The following KAZALD1 variants were observed in gnomAD, a reference collection of about 807,000 sequenced individuals.
KAZALD1 encodes kazal-type serine protease inhibitor domain-containing protein 1.
KAZALD1 carries 31 observed loss-of-function variants against 27.7 expected under a neutral mutation model. The observed-to-expected ratio is 1.12, with a 90% CI of 0.84 to 1.51. The LOEUF is 1.51. Ranked by LOEUF, KAZALD1 falls within the 40% of genes most tolerant of loss-of-function variation. KAZALD1 has a pLI of 0.00. For missense variants in KAZALD1, 444 were observed against 408.9 expected (o/e 1.09, Z -0.74); for synonymous variants, 179 against 182.0 (o/e 0.98, Z 0.13).
At chr10:101,062,432 C>T (rs1051731278) in intron 1 of KAZALD1, 110 bp from the exon 2 acceptor site, 22 of 1,092,352 alleles carry the variant, frequency 2.0e-5, no homozygotes, top group East Asian at 2.8e-5. Flanking sequence ...TACTTGGTAG[C>T]AGGGGAGGGG....
At position 101,062,629 on chromosome 10, in the gene KAZALD1, C is replaced by T; in HGVS notation, c.37C>T (p.Leu13=). The T allele has an allele frequency of 5.7e-6, 9 of 1,576,936 alleles. No homozygotes were observed. Among genetic ancestry groups the T allele is most frequent in the Non-Finnish European group, 7.7e-6 (9 of 1,170,434 alleles). ...GCCGCGGCCCGCAGCTGCCTTGGCG[C>T]TGCCTGTGCTCCTGCTACTGCTGGT... ...PPPRPAAALA[L]PVLLLLLVVL... The change falls in exon 2 of 5, where the codon CTG becomes TTG. Residue 13 remains leucine (L), a synonymous_variant. Coordinates refer to ENST00000370200, the MANE Select transcript of KAZALD1 (RefSeq NM_030929.5).
At chr10:101,062,314 C>T (rs934529565) in intron 1 of KAZALD1, among the ~76,000 whole-genome samples, 199 bp downstream of exon 1, 6 of 152,224 alleles carry the variant, frequency 3.9e-5, no homozygotes. Context: ...ATCACCCTTT[C>T]CTCACCTCTC....
chr10:101,063,165 C>T (rs1051182667), intron 2 of KAZALD1, 62 bp downstream of exon 2: 5 of 1,373,112 alleles, frequency 3.6e-6, no homozygotes, highest in African/African-American at 1.5e-5. Context: ...TGCTCCCCGA[C>T]CCCTGACAGC....
Position 101,064,497 on chromosome 10 carries a change from C to T in KAZALD1, c.673-4C>T. The T allele has an allele frequency of 3.1e-6, 5 of 1,614,188 alleles. No individual in the cohort carries two copies. In the South Asian group the frequency reaches 3.3e-5, roughly 11 times the overall value. ...GACCCTGCTGATTCCTTGCCTGGCT[C>T]CAGTTTAGGGGTGGACCCCAGAGGT... On this transcript the variant is annotated splice_region_variant and splice_polypyrimidine_tract_variant and intron_variant, in intron 3 of 4. Transcript: ENST00000370200.
chr10:101,063,610 T>A (rs1564656874), intron 2 of KAZALD1, among the ~76,000 whole-genome samples: 3 of 152,178 alleles, frequency 2.0e-5, no homozygotes, highest in Admixed American at 1.3e-4. Flanking sequence ...GGGACTGGGG[T>A]CCATTCAGGC....
At chr10:101,067,740 A>AC, downstream of KAZALD1, 1 of 360,000 alleles carries the variant, frequency 2.8e-6, no homozygotes, top group African/African-American at 2.1e-5. Context: ...CGCCCTGGTG[A>AC]CCGGGGGGGT....
At position 101,062,622 on chromosome 10, in the gene KAZALD1, C is replaced by T; in HGVS notation, c.30C>T (p.Ala10=). 1 of 1,580,186 alleles carries T rather than the reference C, an allele frequency of 6.3e-7. No individual in the cohort carries two copies. Among genetic ancestry groups the T allele is most frequent in the South Asian group, 1.1e-5 (1 of 89,062 alleles). Residue 10 remains alanine (A), a synonymous_variant, in exon 2 of 5, where the codon GCC becomes GCT. Coordinates refer to ENST00000370200, the MANE Select transcript of KAZALD1 (RefSeq NM_030929.5). ...TGCCGCCGCCGCGGCCCGCAGCTGC[C>T]TTGGCGCTGCCTGTGCTCCTGCTAC... MLPPPRPAA[A]LALPVLLLLL...
chr10:101,064,653 G>A lies in KAZALD1; in HGVS notation c.820+5G>A, dbSNP rs754501203. 22 of 1,613,312 alleles carry A rather than the reference G, an allele frequency of 1.4e-5. 1 individual carries two copies. In the African/African-American group the frequency reaches 1.6e-4, roughly 12 times the overall value. ...GCTTGACAGTGCTCACACCTGGTAA[G>A]GGGATTCCTGAGTTCTGGGGGTTGG... On this transcript the variant is annotated splice_donor_5th_base_variant and intron_variant, in intron 4 of 4. Coordinates refer to ENST00000370200, the MANE Select transcript of KAZALD1 (RefSeq NM_030929.5).
At chr10:101,067,645 T>C, downstream of KAZALD1, 2 of 337,684 alleles carry the variant, frequency 5.9e-6, no homozygotes, top group South Asian at 4.6e-5. Flanking sequence ...TTCGCCCGGC[T>C]GCTCGTCACC....
chr10:101,065,396 C>G lies in KAZALD1; in HGVS notation c.*476C>G, dbSNP rs2134245316. ...ATCTTCCAGAACTTTTCCCTCTCTC[C>G]TAAGCCCCAGTTGCACCTACTAACT... is the stretch of plus-strand genomic sequence containing the variant. On this transcript the variant is annotated 3_prime_UTR_variant, in exon 5 of 5. Coordinates refer to ENST00000370200, the MANE Select transcript of KAZALD1 (RefSeq NM_030929.5). 1 of 179,228 alleles carries G rather than the reference C, an allele frequency of 5.6e-6. No individual in the cohort carries two copies. The highest frequency in any genetic ancestry group is 2.4e-5 in the African/African-American group (1 of 41,918). The allele number at this position is 179,228 out of a possible 1,614,324, so 11.1% of individuals were successfully genotyped here.
At chr10:101,064,444 C>CT in intron 3 of KAZALD1, 23 bp downstream of exon 3, 1 of 1,614,198 alleles carries the variant, frequency 6.2e-7, no homozygotes, top group African/African-American at 1.3e-5. Flanking sequence ...GAGAGGCTTC[C>CT]CTCAGGCAGC....
chr10:101,062,406 G>A, intron 1 of KAZALD1, 136 bp from the exon 2 acceptor site: 1 of 775,788 alleles, frequency 1.3e-6, no homozygotes, highest in Non-Finnish European at 2.0e-6. Context: ...CACTAGGCCT[G>A]TGTGTTGGGG....
In KAZALD1 at chr10:101,065,245, C is replaced by T; in HGVS notation, c.*325C>T. 1 of 279,940 alleles carries T rather than the reference C, an allele frequency of 3.6e-6. No individual in the cohort carries two copies. The highest frequency in any genetic ancestry group is 4.8e-5 in the Admixed American group (1 of 20,990). The allele number at this position is 279,940 out of a possible 1,614,324, so 17.3% of individuals were successfully genotyped here. A position where few individuals can be genotyped will look rare whatever the true frequency, so the allele number is the denominator to read the frequency against. On this transcript the variant is annotated 3_prime_UTR_variant, in exon 5 of 5. Coordinates refer to ENST00000370200, the MANE Select transcript of KAZALD1 (RefSeq NM_030929.5). ...TGAGCAGACACAGAGGTGCAGGCAC[C>T]AGGATTCTCCACTTCTTCCAGCCCT...
At chr10:101,062,480 A>G (rs1939182660) in intron 1 of KAZALD1, 62 bp from the exon 2 acceptor site, 2 of 1,455,102 alleles carry the variant, frequency 1.4e-6, no homozygotes, top group African/African-American at 1.5e-5. Context: ...AGAAGCAGTG[A>G]GGTTGGTCTT....
At position 101,064,354 on chromosome 10, in the gene KAZALD1, C is replaced by G. The variant is rs779542606; in HGVS notation, c.605C>G (p.Ser202Cys). The G allele has an allele frequency of 6.2e-7, 1 of 1,614,162 alleles. No individual in the cohort carries two copies. The highest frequency in any genetic ancestry group is 1.1e-5 in the South Asian group (1 of 91,088). The part of the protein sequence containing the change: ...GCEVFAYPMA[S>C]IEWRKDGLDI... ...GAAGTGTTTGCCTACCCCATGGCCT[C>G]CATCGAGTGGAGGAAGGATGGCTTG... Residue 202 changes from serine (S) to cysteine (C), a missense_variant, in exon 3 of 5, where the codon TCC (serine) becomes TGC (cysteine). By Grantham distance (112) the Ser-to-Cys change is moderately radical (BLOSUM62 -1). Transcript: ENST00000370200.
At position 101,062,891 on chromosome 10, in the gene KAZALD1, G is replaced by T. The variant is rs1022032038; in HGVS notation, c.299G>T (p.Gly100Val). 2.5e-6 allele frequency: 4 copies of T among 1,603,338 alleles called. No individual in the cohort carries two copies. Among genetic ancestry groups the T allele is most frequent in the Non-Finnish European group, 1.7e-6 (2 of 1,179,706 alleles). The change falls in exon 2 of 5, where the codon GGG (glycine) becomes GTG (valine). Residue 100 changes from glycine to valine, a missense_variant. Transcript: ENST00000370200. ...CTGGACCCCAGTGCTCACTTCTACGGGCACTGCGGCGAGCAGCTTGAGTGC... is the reference window on the plus strand; with the variant it reads ...CTGGACCCCAGTGCTCACTTCTACGTGCACTGCGGCGAGCAGCTTGAGTGC... ...CDLDPSAHFY[G>V]HCGEQLECRL...
downstream of KAZALD1, chr10:101,067,264 ATG>A (rs1207854440): frequency 2.2e-6 from 1 of 456,608 alleles, no homozygotes; most frequent in Admixed American, 2.3e-5. Flanking sequence ...CACACCCGAG[ATG>A]TGAGGTTCCA....
chr10:101,066,424 A>G lies in KAZALD1; in HGVS notation c.*1504A>G. 2.2e-6 allele frequency: 1 copy of G among 456,738 alleles called. No individual in the cohort carries two copies. The highest frequency in any genetic ancestry group is 4.4e-6 in the Non-Finnish European group (1 of 226,966). 28.3% of individuals were successfully genotyped at this position (456,738 alleles called of 1,614,324 possible). The stretch of plus-strand genomic sequence containing the variant: ...CTGGCTTGCCCCGGGTCCTTAAGCC[A>G]GCGACAGTTTTTATTGCCGAACCCA... On this transcript the variant is annotated 3_prime_UTR_variant, in exon 5 of 5. Transcript: ENST00000370200.
downstream of KAZALD1, chr10:101,067,952 GCT>G (rs1254447743): frequency 2.1e-6 from 1 of 471,602 alleles, no homozygotes; most frequent in African/African-American, 2.0e-5. Context: ...GGAACACCTG[GCT>G]CTGCAAGTTT....
Sources: allele counts gnomAD v4.1 joint callset (sites outside exome capture counted in the v4.1 genomes callset), GRCh38; gene constraint gnomAD v4.1.1; transcripts MANE v1.5; gene names NCBI Gene and HGNC (gene_info 2026-07-23, HGNC 2026-07-21).